Variants in XPR1 observed in about 807,000 individuals in gnomAD.
The protein encoded by XPR1 is solute carrier family 53 member 1.
Under a neutral mutation model 87.5 loss-of-function variants are expected in XPR1, and 28 were observed. That is an observed-to-expected ratio of 0.32 (90% confidence interval 0.24 to 0.44). XPR1 has a LOEUF of 0.44. Ranked by LOEUF, XPR1 falls within the 20% of genes least tolerant of loss-of-function variation. The pLI is 1.00. For synonymous variants in XPR1, 300 were observed against 306.1 expected, an observed-to-expected ratio of 0.98 and a Z score of 0.21; for missense variants, 559 against 862.3, an observed-to-expected ratio of 0.65 and a Z score of 4.41.
chr1:180,882,780 A>G (rs1446048172), intron 14 of XPR1, among the ~76,000 whole-genome samples: 3 of 152,172 alleles, frequency 2.0e-5, no homozygotes, highest in East Asian at 3.8e-4. Context: ...ATAACTTATA[A>G]TGAGTCTCCT....
chr1:180,879,009 T>C (rs1652755855), intron 13 of XPR1, among the ~76,000 whole-genome samples: 1 of 152,238 alleles, frequency 6.6e-6, no homozygotes, highest in Non-Finnish European at 1.5e-5. Context: ...CGTCCACCTC[T>C]CTACTGAATT....
chr1:180,736,097 A>G (rs1658720611), intron 2 of XPR1, among the ~76,000 whole-genome samples: 1 of 152,232 alleles, frequency 6.6e-6, no homozygotes, highest in African/African-American at 2.4e-5. Context: ...ATAGAGTGCT[A>G]TAGAAGAATA....
intron 2 of XPR1, among the ~76,000 whole-genome samples, chr1:180,756,964 C>A (rs1647772208): frequency 6.6e-6 from 1 of 152,186 alleles, no homozygotes; most frequent in African/African-American, 2.4e-5. Context: ...CAGTTGAACA[C>A]AAGTGTGAGA....
chr1:180,857,633 G>A (rs1340953560), intron 11 of XPR1, among the ~76,000 whole-genome samples: 1 of 152,072 alleles, frequency 6.6e-6, no homozygotes, highest in Admixed American at 6.6e-5. Context: ...TCTATGCACA[G>A]TTCCAGAACT....
At chr1:180,874,944 A>G (rs4652535) in intron 13 of XPR1, among the ~76,000 whole-genome samples, 47,785 of 152,140 alleles carry the variant, frequency 0.31, 8,250 homozygotes, top group Non-Finnish European at 0.38. Context: ...AGATTTTAAC[A>G]TATTTCCTTC....
chr1:180,676,336 C>G (rs988881720), intron 1 of XPR1, among the ~76,000 whole-genome samples: 5 of 152,188 alleles, frequency 3.3e-5, no homozygotes, highest in Non-Finnish European at 7.4e-5. Context: ...CACATTCCTA[C>G]TATACCCAAG....
rs1478714832 is a variant in XPR1, at chr1:180,885,602, C to T, written c.*1536C>T. On this transcript the variant is annotated 3_prime_UTR_variant, in exon 15 of 15. Transcript: ENST00000367590. ...AACAAAATTAATATAAATTCCAGGACATGGTAAAATGTGTTTTAATAACCC... is the reference window on the plus strand; with the variant it reads ...AACAAAATTAATATAAATTCCAGGATATGGTAAAATGTGTTTTAATAACCC... 6.6e-6 allele frequency: 1 copy of T among 152,146 alleles called. No individual in the cohort carries two copies. The highest frequency in any genetic ancestry group is 1.5e-5 in the Non-Finnish European group (1 of 68,022). 9.4% of individuals were successfully genotyped at this position (152,146 alleles called of 1,614,324 possible).
intron 9 of XPR1, 83 bp from the exon 10 acceptor site, chr1:180,834,791 A>G (rs1293888739): frequency 2.1e-6 from 3 of 1,423,354 alleles, no homozygotes; most frequent in East Asian, 2.3e-5. Context: ...TAAAGTAATC[A>G]TGCTGAATGG....
Position 180,696,648 on chromosome 1 carries a change from T to A in XPR1, c.121+14237T>A, listed in dbSNP as rs532103660. On this transcript the variant is annotated intron_variant, in intron 2 of 14. Transcript: ENST00000367590. ...TTTGTCATATATGGCCTTTATTATG[T>A]TGAGATATGCTCTTTCTATGCCTAG... Among the ~76,000 whole-genome samples, 15 of 152,290 alleles carry A rather than the reference T, an allele frequency of 9.8e-5. 1 individual carries two copies. In the South Asian group the frequency reaches 3.1e-3, roughly 32 times the overall value.
At chr1:180,754,881 C>G (rs980848330) in intron 2 of XPR1, among the ~76,000 whole-genome samples, 9 of 152,040 alleles carry the variant, frequency 5.9e-5, no homozygotes, top group African/African-American at 2.2e-4. Flanking sequence ...ATAATTTAGT[C>G]CGAAAGCCGA....
intron 3 of XPR1, among the ~76,000 whole-genome samples, chr1:180,791,734 T>C (rs994994468): frequency 6.6e-6 from 1 of 152,260 alleles, no homozygotes; most frequent in Non-Finnish European, 1.5e-5. Context: ...TTAGTACTTG[T>C]AGTATATTGT....
chr1:180,692,828 T>C (rs988188971), intron 2 of XPR1, among the ~76,000 whole-genome samples: 1 of 152,186 alleles, frequency 6.6e-6, no homozygotes, highest in East Asian at 1.9e-4. Flanking sequence ...ATAACAAATA[T>C]AATTTTTAGT....
intron 11 of XPR1, among the ~76,000 whole-genome samples, chr1:180,853,668 C>CA (rs1651942684): frequency 6.8e-6 from 1 of 147,406 alleles, no homozygotes; most frequent in Non-Finnish European, 1.5e-5. Context: ...CACACACACA[C>CA]CCTACCTCTT....
At chr1:180,765,665 CA>C (rs1301149070) in intron 2 of XPR1, among the ~76,000 whole-genome samples, 6 of 152,298 alleles carry the variant, frequency 3.9e-5, no homozygotes, top group East Asian at 1.9e-4. Context: ...GATTACTTAT[CA>C]TACCTTATGC....
At chr1:180,760,948 C>A (rs1647997907) in intron 2 of XPR1, among the ~76,000 whole-genome samples, 1 of 152,076 alleles carries the variant, frequency 6.6e-6, no homozygotes, top group African/African-American at 2.4e-5. Context: ...ACAGAGCCCT[C>A]AGAAATAATG....
intron 1 of XPR1, among the ~76,000 whole-genome samples, chr1:180,654,890 T>C (rs1655404263): frequency 6.6e-6 from 1 of 152,204 alleles, no homozygotes; most frequent in Admixed American, 6.5e-5. Context: ...AACACAAGTG[T>C]ACAAATATCT....
intron 7 of XPR1, among the ~76,000 whole-genome samples, chr1:180,823,540 G>A (rs113118766): frequency 6.6e-6 from 1 of 152,116 alleles, no homozygotes; most frequent in Non-Finnish European, 1.5e-5. Context: ...AATTCATCAC[G>A]AGTCAAGAGT....
At chr1:180,753,668 CTCATT>C (rs1259841940) in intron 2 of XPR1, among the ~76,000 whole-genome samples, 1 of 151,618 alleles carries the variant, frequency 6.6e-6, no homozygotes, top group Admixed American at 6.6e-5. Context: ...TTTTATAATA[CTCATT>C]TCAGTTACTC....
intron 1 of XPR1, among the ~76,000 whole-genome samples, chr1:180,680,653 C>T (rs1173901925): frequency 3.3e-5 from 5 of 152,052 alleles, no homozygotes; most frequent in East Asian, 1.9e-4. Flanking sequence ...GTGAGCACTG[C>T]GCCCGGCCCA....
Sources: gnomAD v4.1 joint callset for allele counts (sites outside exome capture counted in the v4.1 genomes callset) on GRCh38, gnomAD v4.1.1 for gene constraint, MANE v1.5 for transcripts, NCBI Gene and HGNC (gene_info 2026-07-23, HGNC 2026-07-21) for gene names.